The following CLHC1 variants were observed in gnomAD, a reference collection of about 807,000 sequenced individuals.
CLHC1 encodes the protein clathrin heavy chain linker domain containing 1.
CLHC1 carries 72 observed loss-of-function variants against 69.5 expected under a neutral mutation model. That is an observed-to-expected ratio of 1.04 (90% confidence interval 0.86 to 1.26). The LOEUF is 1.26. CLHC1 is among the 50% of genes most tolerant of loss of function. The pLI, the probability that CLHC1 is intolerant of heterozygous loss-of-function variation, is 0.00. For synonymous variants in CLHC1, 223 were observed against 224.3 expected, an observed-to-expected ratio of 0.99 and a Z score of 0.05; for missense variants, 790 against 679.3, an observed-to-expected ratio of 1.16 and a Z score of -1.81.
chr2:55,199,168 G>C (rs1447111712), intron 9 of CLHC1, among the ~76,000 whole-genome samples: 1 of 151,686 alleles, frequency 6.6e-6, no homozygotes, highest in African/African-American at 2.4e-5. Flanking sequence ...GTGGCAGGGT[G>C]CACCTGTAGT....
chr2:55,199,626 C>T (rs1347710416), intron 9 of CLHC1, among the ~76,000 whole-genome samples: 3 of 151,978 alleles, frequency 2.0e-5, no homozygotes, highest in Non-Finnish European at 1.5e-5. Flanking sequence ...TTTCTCTTTG[C>T]TTGTTAGTTT....
chr2:55,221,247 T>A (rs191022912), intron 3 of CLHC1, among the ~76,000 whole-genome samples: 8 of 152,286 alleles, frequency 5.3e-5, no homozygotes, highest in African/African-American at 1.9e-4. Flanking sequence ...TTCACTTATT[T>A]CACTGTCAAG....
chr2:55,230,042 A>G (rs1317907319), intron 1 of CLHC1, among the ~76,000 whole-genome samples: 1 of 152,252 alleles, frequency 6.6e-6, no homozygotes, highest in Non-Finnish European at 1.5e-5. Context: ...ATTGCACTCC[A>G]GCCTGGGCAA....
At chr2:55,177,060 A>T (rs1205406295) in intron 12 of CLHC1, among the ~76,000 whole-genome samples, 4 of 152,032 alleles carry the variant, frequency 2.6e-5, no homozygotes, top group African/African-American at 9.7e-5. Flanking sequence ...TTTCATAGAG[A>T]CACGGTTTTG....
intron 5 of CLHC1, among the ~76,000 whole-genome samples, chr2:55,210,857 G>GAT (rs1053182679): frequency 2.4e-4 from 36 of 151,110 alleles, no homozygotes; most frequent in South Asian, 1.1e-3. Context: ...AAAATATGTA[G>GAT]ATATATATAT....
At chr2:55,212,861 C>T (rs1379547167) in intron 4 of CLHC1, 55 bp from the exon 5 acceptor site, 1 of 1,347,720 alleles carries the variant, frequency 7.4e-7, no homozygotes, top group South Asian at 1.2e-5. Flanking sequence ...TCTTGAACCA[C>T]AAAACCTAAA....
intron 4 of CLHC1, among the ~76,000 whole-genome samples, chr2:55,216,422 A>C (rs1342715360): frequency 6.6e-6 from 1 of 152,216 alleles, no homozygotes; most frequent in African/African-American, 2.4e-5. Context: ...TACCTTTGTG[A>C]ATAACAGGAT....
At chr2:55,194,550 A>C (rs1232316408) in intron 9 of CLHC1, among the ~76,000 whole-genome samples, 12 of 152,128 alleles carry the variant, frequency 7.9e-5, no homozygotes, top group African/African-American at 2.9e-4. Context: ...TAGCCAGTAC[A>C]ATAAAGCAAG....
intron 5 of CLHC1, among the ~76,000 whole-genome samples, chr2:55,211,375 G>A (rs1004735850): frequency 6.6e-5 from 10 of 151,612 alleles, no homozygotes; most frequent in African/African-American, 2.4e-4. Context: ...GGTGGCAGGC[G>A]CCTGTAGTCC....
chr2:55,218,497 A>T (rs994049605), intron 3 of CLHC1: 7 of 152,178 alleles, frequency 4.6e-5, no homozygotes. Flanking sequence ...AGTCATGTGC[A>T]ACTGTAAAAA....
intron 8 of CLHC1, among the ~76,000 whole-genome samples, chr2:55,208,259 G>A (rs557156101): frequency 1.6e-4 from 24 of 152,248 alleles, no homozygotes; most frequent in African/African-American, 5.3e-4. Context: ...ATATCTTGGG[G>A]ATGGGATCCA....
intron 11 of CLHC1, 106 bp from the exon 12 acceptor site, chr2:55,177,887 T>C: frequency 1.3e-6 from 1 of 795,118 alleles, no homozygotes. Flanking sequence ...GTTTTTCTAA[T>C]CCTTTCAAAG....
Position 55,206,352 on chromosome 2 carries a change from A to T in CLHC1, c.924T>A (p.Gly308=). ...IERFNELISL[G]EYEKAACYAA... is the part of the protein sequence containing the mutation. ...CATAACAAGCTGCCTTTTCATATTCACCAAGTGAGATTAACTCATTAAACC... is the reference window on the plus strand; with the variant it reads ...CATAACAAGCTGCCTTTTCATATTCTCCAAGTGAGATTAACTCATTAAACC... Residue 308 remains glycine (G), a synonymous_variant, in exon 9 of 13, where the codon GGT becomes GGA. Transcript: ENST00000401408. The T allele has an allele frequency of 6.2e-7, 1 of 1,606,136 alleles. No individual in the cohort carries two copies. The highest frequency in any genetic ancestry group is 8.5e-7 in the Non-Finnish European group (1 of 1,173,524).
At chr2:55,178,093 C>T (rs754352321) in intron 11 of CLHC1, among the ~76,000 whole-genome samples, 16 of 152,130 alleles carry the variant, frequency 1.1e-4, no homozygotes, top group Non-Finnish European at 1.8e-4. Context: ...GAATTCTAAT[C>T]ATAGCTCCAT....
At position 55,206,523 on chromosome 2, in the gene CLHC1, T is replaced by C. The variant is rs536586874; in HGVS notation, c.900-147A>G. 4 of 635,942 alleles carry C rather than the reference T, an allele frequency of 6.3e-6. No individual in the cohort carries two copies. In the East Asian group the frequency reaches 1.1e-4, roughly 17 times the overall value. The allele number at this position is 635,942 out of a possible 1,614,324, so 39.4% of individuals were successfully genotyped here. A position where few individuals can be genotyped will look rare whatever the true frequency, so the allele number is the denominator to read the frequency against. On this transcript the variant is annotated intron_variant, in intron 8 of 12. Coordinates refer to ENST00000401408, the MANE Select transcript of CLHC1 (RefSeq NM_152385.4). ...TTCTAATAAACTATAACTAGAATCA[T>C]TCACACTGTAAGATGTTCCTTGAAA...
chr2:55,178,035 GA>G (rs925202531), intron 11 of CLHC1, among the ~76,000 whole-genome samples: 5 of 152,084 alleles, frequency 3.3e-5, no homozygotes, highest in African/African-American at 9.6e-5. Flanking sequence ...TAATTATAAT[GA>G]AAAAAATGTG....
chr2:55,216,709 G>A (rs1174622373), intron 4 of CLHC1, among the ~76,000 whole-genome samples: 1 of 151,682 alleles, frequency 6.6e-6, no homozygotes, highest in Non-Finnish European at 1.5e-5. Context: ...TTTTTGTAAC[G>A]ACAGGGACTC....
In CLHC1 at chr2:55,177,770, G is replaced by A; in HGVS notation, c.1396C>T (p.Gln466Ter). Reference protein sequence around the residue: ...LKDFTTDDLLQLLMSCPQVEL... With the variant: ...LKDFTTDDLL Reference sequence around the variant, plus strand: ...ACTTGGGGACATGACATTAATAGCTGCAACAGGTCATCTGAAGGCAAAAAT... The same window carrying A: ...ACTTGGGGACATGACATTAATAGCTACAACAGGTCATCTGAAGGCAAAAAT... The change falls in exon 12 of 13, where the codon CAG (glutamine) becomes TAG (stop). Residue 466 changes from glutamine to a stop codon, truncating the protein, a stop_gained. Coordinates refer to ENST00000401408, the MANE Select transcript of CLHC1 (RefSeq NM_152385.4). LOFTEE classifies it high-confidence loss of function. The A allele has an allele frequency of 6.2e-7, 1 of 1,603,758 alleles. No homozygotes were observed. The highest frequency in any genetic ancestry group is 1.7e-5 in the Admixed American group (1 of 57,484).
intron 9 of CLHC1, among the ~76,000 whole-genome samples, chr2:55,200,087 G>T (rs1027828254): frequency 9.2e-5 from 14 of 151,998 alleles, no homozygotes; most frequent in Admixed American, 4.6e-4. Context: ...AGCCAAGTGT[G>T]GTGGTGCATG....
Sources: gnomAD v4.1 joint callset for allele counts (sites outside exome capture counted in the v4.1 genomes callset) on GRCh38, gnomAD v4.1.1 for gene constraint, MANE v1.5 for transcripts, NCBI Gene and HGNC (gene_info 2026-07-23, HGNC 2026-07-21) for gene names.